Variants in CCDC125 observed in about 807,000 individuals in gnomAD.
The protein encoded by CCDC125 is coiled-coil domain-containing protein 125.
A neutral mutation model predicts 57.4 loss-of-function variants in CCDC125; 43 were observed. That is an observed-to-expected ratio of 0.75 (90% CI 0.59 to 0.97). CCDC125 has a LOEUF of 0.97. Among genes scored for constraint, CCDC125 ranks in the 50% least tolerant of loss-of-function variants. CCDC125 has a pLI of 0.00. For synonymous variants in CCDC125, 187 were observed against 195.2 expected, an observed-to-expected ratio of 0.96 and a Z score of 0.35; for missense variants, 563 against 595.7, an observed-to-expected ratio of 0.95 and a Z score of 0.57.
chr5:69,299,496 GC>G (rs2150406639), intron 8 of CCDC125, among the ~76,000 whole-genome samples: 1 of 152,252 alleles, frequency 6.6e-6, no homozygotes, highest in South Asian at 2.1e-4. Context: ...GACCTCATTA[GC>G]CAAACTCCCA....
At position 69,320,444 on chromosome 5, in the gene CCDC125, C is replaced by G. The variant is rs370831020; in HGVS notation, c.97G>C (p.Gly33Arg). The change falls in exon 2 of 12, where the codon GGA (glycine) becomes CGA (arginine). Residue 33 changes from glycine to arginine, a missense_variant. Transcript: ENST00000396496. ...TCATAAATCCCACCAGGTTTCCTTC[C>G]GAGGCCATACCCTAAATCACCTTCT... ...MTEGDLGYGL[G>R]RKPGGIYEIE... 1.9e-6 allele frequency: 3 copies of G among 1,613,766 alleles called. No homozygotes were observed. The highest frequency in any genetic ancestry group is 4.5e-5 in the East Asian group (2 of 44,878).
intron 7 of CCDC125, 22 bp downstream of exon 7, chr5:69,303,825 T>G: frequency 1.4e-6 from 2 of 1,398,970 alleles, no homozygotes; most frequent in Non-Finnish European, 2.0e-6. Context: ...ACATGTGCTC[T>G]TAATACAAAA....
At chr5:69,297,705 T>C (rs1755615463) in intron 8 of CCDC125, among the ~76,000 whole-genome samples, 1 of 150,892 alleles carries the variant, frequency 6.6e-6, no homozygotes, top group African/African-American at 2.4e-5. Flanking sequence ...GGCTCACGCC[T>C]GTAATCCCAG....
intron 7 of CCDC125, among the ~76,000 whole-genome samples, chr5:69,301,990 G>A (rs1756533990): frequency 6.6e-6 from 1 of 151,880 alleles, no homozygotes; most frequent in Non-Finnish European, 1.5e-5. Flanking sequence ...GGCTGAGGTG[G>A]GAGGATCTCT....
intron 2 of CCDC125, among the ~76,000 whole-genome samples, chr5:69,317,128 C>T (rs1359368408): frequency 6.6e-6 from 1 of 152,136 alleles, no homozygotes; most frequent in African/African-American, 2.4e-5. Context: ...CCTGCCTCAG[C>T]CTCCCAAGTA....
intron 8 of CCDC125, among the ~76,000 whole-genome samples, chr5:69,299,149 G>C (rs1230809920): frequency 7.1e-6 from 1 of 141,624 alleles, no homozygotes; most frequent in Non-Finnish European, 1.5e-5. Context: ...TCGCTCTTTC[G>C]CCCAGGCCAG....
intron 2 of CCDC125, among the ~76,000 whole-genome samples, chr5:69,314,748 G>A (rs1758733662): frequency 1.3e-5 from 2 of 151,890 alleles, no homozygotes; most frequent in South Asian, 2.1e-4. Flanking sequence ...AGGCTGCAGC[G>A]AGCTATGACT....
chr5:69,315,462 CAA>C (rs1227842099), intron 2 of CCDC125, among the ~76,000 whole-genome samples: 1 of 24,684 alleles, frequency 4.1e-5, no homozygotes, highest in African/African-American at 9.4e-5. Flanking sequence ...AAAAAAAAAA[CAA>C]AAAAAAAAAA....
chr5:69,319,531 G>A (rs1214072020), intron 2 of CCDC125, among the ~76,000 whole-genome samples: 18 of 150,152 alleles, frequency 1.2e-4, no homozygotes, highest in Non-Finnish European at 2.2e-4. Flanking sequence ...GCCCAGGCTG[G>A]AGTGCAGTGG....
chr5:69,289,530 T>C (rs1179433940), intron 10 of CCDC125, among the ~76,000 whole-genome samples: 2 of 152,136 alleles, frequency 1.3e-5, no homozygotes, highest in Non-Finnish European at 2.9e-5. Context: ...TTATAGAAAA[T>C]GACCATATTA....
intron 2 of CCDC125, among the ~76,000 whole-genome samples, chr5:69,315,775 A>AG (rs1375110217): frequency 6.3e-5 from 3 of 47,628 alleles, no homozygotes; most frequent in Non-Finnish European, 9.7e-5. Context: ...AAAAAAAAAA[A>AG]AAAGAAACCA....
chr5:69,315,456 AAAAAACAAAAAAAAAAAAG>A (rs1758894701), intron 2 of CCDC125, among the ~76,000 whole-genome samples: 1 of 9,314 alleles, frequency 1.1e-4, no homozygotes, highest in Non-Finnish European at 6.2e-4. Flanking sequence ...AAAACAAAAA[AAAAAACAAAAAAAAAAAAG>A]GCCAGGTGTG....
the CCDC125 span, among the ~76,000 whole-genome samples, chr5:69,274,130 G>A: frequency 0.29 from 43,457 of 152,034 alleles, 6,840 homozygotes; most frequent in East Asian, 0.42. Flanking sequence ...TATCTAGAAA[G>A]TTGTTTTCAT....
intron 2 of CCDC125, 113 bp from the exon 3 acceptor site, chr5:69,314,159 AAAGAG>A: frequency 1.3e-6 from 1 of 746,050 alleles, no homozygotes; most frequent in Non-Finnish European, 2.3e-6. Context: ...CCTAAATTGC[AAAGAG>A]AAGAGAATTA....
intron 7 of CCDC125, among the ~76,000 whole-genome samples, chr5:69,303,361 C>CTTT (rs1003180857): frequency 0.012 from 1,159 of 100,412 alleles, 63 homozygotes; most frequent in Admixed American, 0.032. Flanking sequence ...GAATTGTTCA[C>CTTT]TTTTTTTTTT....
intron 3 of CCDC125, chr5:69,313,737 T>A: frequency 1.3e-6 from 1 of 777,494 alleles, no homozygotes; most frequent in Non-Finnish European, 2.4e-6. Context: ...AGGATGATGT[T>A]CTTCTTGTCT....
At chr5:69,287,821 A>C (rs1579967847) in intron 10 of CCDC125, among the ~76,000 whole-genome samples, 1 of 151,892 alleles carries the variant, frequency 6.6e-6, no homozygotes. Context: ...CTCCTGCCTC[A>C]GCCTCCCAAA....
chr5:69,292,294 C>T lies in CCDC125; in HGVS notation c.993G>A (p.Glu331=). ...GGTCATTTTTTCTCATTAATTGTTG[C>T]TCAAATGCAATTCTGAAAGCATCTG... ...VMADAFRIAF[E]QQLMRKNDQA... Residue 331 remains glutamate (E), a synonymous_variant, in exon 10 of 12, where the codon GAG becomes GAA. Coordinates refer to ENST00000396496, the MANE Select transcript of CCDC125 (RefSeq NM_176816.5). The T allele has an allele frequency of 4.3e-6, 7 of 1,613,660 alleles. No homozygotes were observed. The highest frequency in any genetic ancestry group is 5.9e-6 in the Non-Finnish European group (7 of 1,179,788).
At chr5:69,332,302 T>C (rs895972946) in intron 1 of CCDC125, among the ~76,000 whole-genome samples, 3 of 152,234 alleles carry the variant, frequency 2.0e-5, no homozygotes, top group Non-Finnish European at 4.4e-5. Flanking sequence ...TGTGTACAAT[T>C]TGTCGAAATT....
Sources: allele counts gnomAD v4.1 joint callset (sites outside exome capture counted in the v4.1 genomes callset), GRCh38; gene constraint gnomAD v4.1.1; transcripts MANE v1.5; gene names NCBI Gene and HGNC (gene_info 2026-07-23, HGNC 2026-07-21).